Variants in PSG8 observed in about 807,000 individuals in gnomAD.
PSG8 encodes pregnancy-specific beta-1-glycoprotein 8.
A neutral mutation model predicts 42.5 loss-of-function variants in PSG8; 57 were observed. The ratio of observed to expected loss-of-function variants is 1.34; its 90% CI spans 1.08 to 1.67. The LOEUF is 1.67. PSG8 is among the 40% of genes most tolerant of loss of function. The probability of loss-of-function intolerance (pLI) is 0.00; values close to 1 mark genes in which losing one functional copy is unlikely to be tolerated. For missense variants in PSG8, 783 were observed against 518.6 expected (o/e 1.51, Z -4.95); for synonymous variants, 280 against 196.8 (o/e 1.42, Z -3.54).
At chr19:42,756,997 C>G (rs1436727338) in intron 3 of PSG8, among the ~76,000 whole-genome samples, 1 of 151,906 alleles carries the variant, frequency 6.6e-6, no homozygotes, top group Admixed American at 6.6e-5. Context: ...ATATTGATAT[C>G]GTCTTTAACT....
chr19:42,752,805 CTA>C (rs1347529930), downstream of PSG8: 4 of 188,024 alleles, frequency 2.1e-5, no homozygotes, highest in Non-Finnish European at 3.3e-5. Flanking sequence ...AAAGGGGACT[CTA>C]TTATAATTTC....
intron 2 of PSG8, among the ~76,000 whole-genome samples, chr19:42,760,316 C>T (rs1442818237): frequency 6.6e-6 from 1 of 152,164 alleles, no homozygotes; most frequent in African/African-American, 2.4e-5. Context: ...CCACCTCCAA[C>T]TGGTCCCCAA....
chr19:42,752,991 C>G, downstream of PSG8: 1 of 484,234 alleles, frequency 2.1e-6, no homozygotes, highest in East Asian at 3.5e-5. Flanking sequence ...TTGTTACCCT[C>G]AGAAGCTACT....
rs533744633 is a variant in PSG8 at position 42,758,001 on chromosome 19, C to T, written c.709+1G>A. 2.3e-5 allele frequency: 37 copies of T among 1,613,970 alleles called. No homozygotes were observed. The highest frequency in any genetic ancestry group is 1.9e-4 in the African/African-American group (14 of 75,004). ...CTCACAGAGGAACAGAAAATACTCA[C>T]GGAGGAGATTCAGGGTGAATGGGTC... On this transcript the variant is annotated splice_donor_variant, in intron 3 of 4. Coordinates refer to ENST00000306511, the MANE Select transcript of PSG8 (RefSeq NM_182707.3). LOFTEE classifies it high-confidence loss of function.
chr19:42,763,756 T>G (rs567999370), intron 2 of PSG8, 160 bp downstream of exon 2: 41 of 1,375,588 alleles, frequency 3.0e-5, no homozygotes, highest in Middle Eastern at 1.9e-4. Context: ...CTGTTGAAAT[T>G]TGTCTCCTCT....
intron 3 of PSG8, chr19:42,756,140 G>A (rs961217971): frequency 1.3e-5 from 2 of 152,226 alleles, no homozygotes; most frequent in African/African-American, 2.4e-5. Flanking sequence ...GGTCCTCATG[G>A]ACCATGTGTG....
chr19:42,762,708 A>G (rs1479595660), intron 2 of PSG8, among the ~76,000 whole-genome samples: 2 of 151,810 alleles, frequency 1.3e-5, no homozygotes, highest in African/African-American at 4.8e-5. Context: ...CTAAGATCTG[A>G]GGGGGAGGCC....
At position 42,765,628 on chromosome 19, in the gene PSG8, T is replaced by G. The variant is rs762517047; in HGVS notation, c.-47A>C. On this transcript the variant is annotated 5_prime_UTR_variant, in exon 1 of 5. Coordinates refer to ENST00000306511, the MANE Select transcript of PSG8 (RefSeq NM_182707.3). ...CTCCTCTGTGGAGATGAGCCTAGGA[T>G]CCAGAAGCTTCCTGAGCACAGCTCT... is the stretch of plus-strand genomic sequence containing the variant. 1 of 1,598,662 alleles carries G rather than the reference T, an allele frequency of 6.3e-7. No individual in the cohort carries two copies. The highest frequency in any genetic ancestry group is 1.1e-5 in the South Asian group (1 of 90,736).
chr19:42,761,499 G>T (rs1261636450), intron 2 of PSG8, among the ~76,000 whole-genome samples: 1 of 152,138 alleles, frequency 6.6e-6, no homozygotes, highest in African/African-American at 2.4e-5. Context: ...TTGGTCTTTT[G>T]AGATGTTTCT....
At position 42,755,259 on chromosome 19, in the gene PSG8, C is replaced by G; in HGVS notation, c.717G>C (p.Leu239=). The G allele has an allele frequency of 1.2e-6, 2 of 1,612,148 alleles. No homozygotes were observed. The highest frequency in any genetic ancestry group is 1.7e-6 in the Non-Finnish European group (2 of 1,179,710). The change falls in exon 4 of 5, where the codon CTG becomes CTC. Residue 239 remains leucine (L), a synonymous_variant. Transcript: ENST00000306511. ...DPFTLNLLPK[L]PKPYITINNL... is the part of the protein sequence containing the mutation. ...TGTTGATGGTGATGTAGGGCTTGGGCAGCTTCGCTGTGTGGATAACAGAGA... is the reference window on the plus strand; with the variant it reads ...TGTTGATGGTGATGTAGGGCTTGGGGAGCTTCGCTGTGTGGATAACAGAGA...
At chr19:42,760,380 G>A (rs1020996632) in intron 2 of PSG8, among the ~76,000 whole-genome samples, 1 of 152,130 alleles carries the variant, frequency 6.6e-6, no homozygotes, top group Non-Finnish European at 1.5e-5. Context: ...TTGTCCCACA[G>A]CTACAAAATT....
At chr19:42,762,737 T>G (rs1196922078) in intron 2 of PSG8, among the ~76,000 whole-genome samples, 3 of 152,150 alleles carry the variant, frequency 2.0e-5, no homozygotes, top group Non-Finnish European at 4.4e-5. Flanking sequence ...TTTTTTCCAC[T>G]GACTCTGATG....
chr19:42,765,050 C>T (rs186048311), intron 1 of PSG8, among the ~76,000 whole-genome samples: 2 of 143,778 alleles, frequency 1.4e-5, no homozygotes, highest in East Asian at 3.9e-4. Context: ...CTACCTCTTA[C>T]CAATTCTGGT....
intron 2 of PSG8, among the ~76,000 whole-genome samples, chr19:42,761,020 C>T (rs1327824641): frequency 6.6e-6 from 1 of 152,114 alleles, no homozygotes; most frequent in African/African-American, 2.4e-5. Flanking sequence ...AGAATGTGAG[C>T]TCCATAGCAG....
intron 2 of PSG8, among the ~76,000 whole-genome samples, chr19:42,759,337 C>CA (rs1289281052): frequency 6.6e-6 from 1 of 152,012 alleles, no homozygotes; most frequent in Non-Finnish European, 1.5e-5. Flanking sequence ...GGCAATAGGG[C>CA]GTTGTTCCAT....
Position 42,764,228 on chromosome 19 carries a change from C to T in PSG8, c.118G>A (p.Ala40Thr), listed in dbSNP as rs764803115. 2.5e-6 allele frequency: 4 copies of T among 1,613,704 alleles called. No individual in the cohort carries two copies. Among genetic ancestry groups the T allele is most frequent in the Non-Finnish European group, 3.4e-6 (4 of 1,179,800 alleles). Reference protein sequence around the residue: ...PPTTAQVTIEAQPTKVSEGKD... With the variant: ...PPTTAQVTIETQPTKVSEGKD... ...CCCTCAGAAACTTTGGTTGGCTGGG[C>T]TTCAATCGTGACTTGGGCAGTCGTG... The change falls in exon 2 of 5, where the codon GCC becomes ACC. Residue 40 changes from alanine (A) to threonine (T), a missense_variant. Physicochemically the swap from Ala to Thr is moderately conservative, Grantham distance 58 (BLOSUM62 0). Coordinates refer to ENST00000306511, the MANE Select transcript of PSG8 (RefSeq NM_182707.3).
At chr19:42,761,519 G>C (rs1242760054) in intron 2 of PSG8, among the ~76,000 whole-genome samples, 3 of 152,080 alleles carry the variant, frequency 2.0e-5, no homozygotes, top group African/African-American at 7.2e-5. Flanking sequence ...TCATTCTTTT[G>C]CATTCTGGCA....
At position 42,758,242 on chromosome 19, in the gene PSG8, T is replaced by G. The variant is rs375466268; in HGVS notation, c.469A>C (p.Asn157His). 4 of 1,613,706 alleles carry G rather than the reference T, an allele frequency of 2.5e-6. No individual in the cohort carries two copies. The South Asian group carries it at 4.4e-5, about 18-fold the overall frequency. The part of the protein sequence containing the change: ...PKPSISSSKL[N>H]PREAMEAVSL... ...ACAGCCTCCATGGCCTCCCTGGGGT[T>G]TAATTTGCTGCTGGAGATGGAGGGC... Residue 157 changes from asparagine to histidine, a missense_variant, in exon 3 of 5, where the codon AAC becomes CAC. Asn to His is a moderately conservative substitution (Grantham distance 68, BLOSUM62 1). Coordinates refer to ENST00000306511, the MANE Select transcript of PSG8 (RefSeq NM_182707.3).
chr19:42,754,950 C>T, intron 4 of PSG8, 38 bp downstream of exon 4: 2 of 1,580,058 alleles, frequency 1.3e-6, no homozygotes, highest in Non-Finnish European at 8.6e-7. Context: ...TTGATTTAAG[C>T]TGGTGTCCTG....
Sources: allele counts gnomAD v4.1 joint callset (sites outside exome capture counted in the v4.1 genomes callset), GRCh38; gene constraint gnomAD v4.1.1; transcripts MANE v1.5; gene names NCBI Gene and HGNC (gene_info 2026-07-23, HGNC 2026-07-21).